Variants in FAAP100 observed in about 807,000 individuals in gnomAD.
FAAP100 encodes the protein FA core complex associated protein 100, also known as Fanconi anemia core complex-associated protein 100.
FAAP100 carries 46 observed loss-of-function variants against 65.8 expected under a neutral mutation model. The observed-to-expected ratio is 0.70, with a 90% CI of 0.55 to 0.89. FAAP100 has a LOEUF of 0.89. Ranked by LOEUF, FAAP100 falls within the 40% of genes least tolerant of loss-of-function variation. FAAP100 has a pLI of 0.00. For missense variants in FAAP100, 1,165 were observed against 1,196.7 expected, an observed-to-expected ratio of 0.97 and a Z score of 0.39; for synonymous variants, 663 against 555.1, an observed-to-expected ratio of 1.19 and a Z score of -2.73.
At chr17:81,551,716 T>C (rs1239529541) in intron 2 of FAAP100, 1 of 1,337,918 alleles carries the variant, frequency 7.5e-7, no homozygotes, top group Non-Finnish European at 9.5e-7. Flanking sequence ...GGCTTAACCA[T>C]GTGAACCCCA....
At chr17:81,550,054 G>A (rs1235062095) in intron 3 of FAAP100, among the ~76,000 whole-genome samples, 194 bp downstream of exon 3, 1 of 152,214 alleles carries the variant, frequency 6.6e-6, no homozygotes, top group Non-Finnish European at 1.5e-5. Context: ...CCCAGAGGCA[G>A]AGCAACAGGT....
chr17:81,546,713 G>A (rs1313870086), intron 5 of FAAP100, among the ~76,000 whole-genome samples, 196 bp downstream of exon 5: 2 of 152,098 alleles, frequency 1.3e-5, no homozygotes, highest in Non-Finnish European at 2.9e-5. Context: ...CGAGGTGGGT[G>A]GGGTGAAGTG....
chr17:81,550,361 A>T lies in FAAP100; in HGVS notation c.1133T>A (p.Leu378Gln). The change falls in exon 3 of 9, where the codon CTG (leucine) becomes CAG (glutamine). Residue 378 changes from leucine (L) to glutamine (Q), a missense_variant. Leu to Gln is a moderately radical substitution (Grantham distance 113, BLOSUM62 -2). Transcript: ENST00000327787. Reference protein sequence around the residue: ...VVDLSRGSTPLGPEQPEEGPG... With the variant: ...VVDLSRGSTPQGPEQPEEGPG... ...GCCTTCTTCGGGCTGCTCAGGGCCC[A>T]GCGGGGTGCTTCCCCGAGACAGATC... 6.2e-7 allele frequency: 1 copy of T among 1,612,800 alleles called. No individual in the cohort carries two copies.
At position 81,547,416 on chromosome 17, in the gene FAAP100, G is replaced by A; in HGVS notation, c.1666C>T (p.Leu556=). The A allele has an allele frequency of 1.9e-6, 3 of 1,612,920 alleles. No homozygotes were observed. In the South Asian group the frequency reaches 3.3e-5, roughly 18 times the overall value. Residue 556 remains leucine (L), a synonymous_variant, in exon 5 of 9, where the codon CTG becomes TTG. Coordinates refer to ENST00000327787, the MANE Select transcript of FAAP100 (RefSeq NM_025161.6). ...QVLTSSCALD[L]DSACSAITYT... is the part of the protein sequence containing the mutation. ...GTGATGGCGGAGCAGGCCGAGTCCA[G>A]GTCGAGAGCACAGGAGCTGGTGAGC... is the stretch of plus-strand genomic sequence containing the variant.
chr17:81,551,617 T>G, intron 2 of FAAP100: 1 of 1,138,128 alleles, frequency 8.8e-7, no homozygotes, highest in Non-Finnish European at 1.1e-6. Flanking sequence ...GTCTCCTCCC[T>G]CCAATAAAGA....
intron 5 of FAAP100, among the ~76,000 whole-genome samples, 173 bp from the exon 6 acceptor site, chr17:81,546,055 G>A (rs2033288032): frequency 1.3e-5 from 2 of 152,244 alleles, no homozygotes; most frequent in African/African-American, 2.4e-5. Context: ...CTGACCCAGA[G>A]GAAGGAGGCC....
intron 7 of FAAP100, 67 bp from the exon 8 acceptor site, chr17:81,541,462 A>AGG (rs980237548): frequency 1.5e-6 from 2 of 1,375,600 alleles, no homozygotes; most frequent in African/African-American, 2.8e-5. Flanking sequence ...CCCTTGGAGC[A>AGG]GGGTGACCCT....
chr17:81,541,512 C>T (rs2033095404), intron 7 of FAAP100, 117 bp from the exon 8 acceptor site: 2 of 841,650 alleles, frequency 2.4e-6, no homozygotes, highest in Admixed American at 4.0e-5. Flanking sequence ...TGCCTGGCAC[C>T]CCTCCCCACC....
chr17:81,540,512 C>G lies in FAAP100; in HGVS notation c.*307G>C, dbSNP rs1477100213. On this transcript the variant is annotated 3_prime_UTR_variant, in exon 9 of 9. Transcript: ENST00000327787. ...AGGGGCTGCTGCGGTGGTGGGAAGG[C>G]TGCCCAGCAGTGAGGAAGGCGAGTG... is the stretch of plus-strand genomic sequence containing the variant. The G allele has an allele frequency of 2.4e-6, 1 of 415,468 alleles. No homozygotes were observed. Among genetic ancestry groups the G allele is most frequent in the African/African-American group, 2.0e-5 (1 of 49,092 alleles). The allele number at this position is 415,468 out of a possible 1,614,324, so 25.7% of individuals were successfully genotyped here.
At chr17:81,552,825 G>C (rs2033549873), upstream of FAAP100, among the ~76,000 whole-genome samples, 1 of 151,434 alleles carries the variant, frequency 6.6e-6, no homozygotes, top group Non-Finnish European at 1.5e-5. Context: ...GTCGTCCTAG[G>C]GATGGGTCTC....
intron 7 of FAAP100, among the ~76,000 whole-genome samples, chr17:81,542,333 G>T (rs985688142): frequency 4.0e-5 from 6 of 151,560 alleles, no homozygotes; most frequent in African/African-American, 1.5e-4. Flanking sequence ...GCGGTGAGCA[G>T]AGATCTCACC....
At chr17:81,545,494 G>A (rs1234905380) in intron 6 of FAAP100, among the ~76,000 whole-genome samples, 1 of 152,248 alleles carries the variant, frequency 6.6e-6, no homozygotes, top group Admixed American at 6.5e-5. Context: ...GTCCTGTGCA[G>A]GGGAAGGGGA....
rs1330613831 is a variant in FAAP100, at chr17:81,540,750, C to A, written c.*69G>T. ...CAGGCCAGCTCGGTTTCCCTCTAAC[C>A]CATGAGGCCTGGGGGGGCTGTGACA... On this transcript the variant is annotated 3_prime_UTR_variant, in exon 9 of 9. Transcript: ENST00000327787. The A allele has an allele frequency of 8.4e-6, 12 of 1,436,606 alleles. No individual in the cohort carries two copies. The highest frequency in any genetic ancestry group is 1.4e-5 in the South Asian group (1 of 69,592). 89.0% of individuals were successfully genotyped at this position (1,436,606 alleles called of 1,614,324 possible).
At chr17:81,552,100 GTCT>G (rs2033518963) in intron 1 of FAAP100, 48 bp from the exon 2 acceptor site, 2 of 1,461,572 alleles carry the variant, frequency 1.4e-6, no homozygotes, top group Non-Finnish European at 1.8e-6. Context: ...CGGGCCCGCG[GTCT>G]TCATTTTCAC....
intron 4 of FAAP100, chr17:81,548,197 A>G: frequency 1.7e-6 from 1 of 591,698 alleles, no homozygotes; most frequent in Non-Finnish European, 3.0e-6. Flanking sequence ...ATGTGAGGGG[A>G]GCAGGGGAGG....
chr17:81,551,352 C>A, intron 2 of FAAP100, 149 bp from the exon 3 acceptor site: 1 of 749,128 alleles, frequency 1.3e-6, no homozygotes, highest in Non-Finnish European at 2.1e-6. Context: ...CATGGCCTCC[C>A]ACCTTCCCCA....
chr17:81,551,798 G>A (rs1288066157), intron 2 of FAAP100, 130 bp downstream of exon 2: 1 of 1,381,788 alleles, frequency 7.2e-7, no homozygotes, highest in Non-Finnish European at 9.3e-7. Context: ...AATCGGGCAG[G>A]GATGGCGGCC....
At chr17:81,543,898 T>C in intron 7 of FAAP100, 106 bp downstream of exon 7, 7 of 1,048,326 alleles carry the variant, frequency 6.7e-6, no homozygotes, top group Non-Finnish European at 8.4e-6. Context: ...TACAACTCCC[T>C]TGCAGGGAGC....
chr17:81,541,420 G>C (rs1387376085), intron 7 of FAAP100, 25 bp from the exon 8 acceptor site: 3 of 1,571,952 alleles, frequency 1.9e-6, no homozygotes, highest in South Asian at 1.1e-5. Context: ...AGACATGCTG[G>C]AGAGGGTGTG....
Sources: allele counts gnomAD v4.1 joint callset (sites outside exome capture counted in the v4.1 genomes callset), GRCh38; gene constraint gnomAD v4.1.1; transcripts MANE v1.5; gene names NCBI Gene and HGNC (gene_info 2026-07-23, HGNC 2026-07-21).